The following CCDC15 variants were observed in gnomAD, a reference collection of about 807,000 sequenced individuals.
CCDC15 encodes coiled-coil domain containing 15, also known as coiled-coil domain-containing protein 15.
In CCDC15, 105 loss-of-function variants were observed where a neutral mutation model predicts 114.5. The observed-to-expected ratio is 0.92, with a 90% confidence interval of 0.78 to 1.08. The LOEUF is 1.08. Among genes scored for constraint, CCDC15 ranks in the 50% least tolerant of loss-of-function variants. CCDC15 has a pLI of 0.00. For missense variants in CCDC15, 1,105 were observed against 1,093.6 expected (o/e 1.01, Z -0.15); for synonymous variants, 334 against 377.8 (o/e 0.88, Z 1.34).
chr11:125,005,522 A>G (rs1948545338), intron 13 of CCDC15, among the ~76,000 whole-genome samples: 1 of 152,158 alleles, frequency 6.6e-6, no homozygotes, highest in South Asian at 2.1e-4. Context: ...CCATAGTGGT[A>G]CAATGTATTA....
intron 4 of CCDC15, among the ~76,000 whole-genome samples, chr11:124,973,804 T>G (rs1456130571): frequency 6.6e-6 from 1 of 151,884 alleles, no homozygotes; most frequent in Non-Finnish European, 1.5e-5. Flanking sequence ...TTTTTTTGTA[T>G]TTTCTGTAGA....
intron 13 of CCDC15, among the ~76,000 whole-genome samples, chr11:125,014,680 A>G (rs1948616539): frequency 6.6e-6 from 1 of 152,286 alleles, no homozygotes; most frequent in East Asian, 1.9e-4. Flanking sequence ...AACAAACTTA[A>G]CAGTACCAGA....
intron 13 of CCDC15, among the ~76,000 whole-genome samples, chr11:125,023,846 C>T (rs117381243): frequency 0.016 from 2,405 of 152,062 alleles, 23 homozygotes; most frequent in Middle Eastern, 0.051. Flanking sequence ...GACTTTGAAA[C>T]TCTTCTGCCA....
At chr11:124,995,268 C>G (rs7479934) in intron 11 of CCDC15, among the ~76,000 whole-genome samples, 9,615 of 152,192 alleles carry the variant, frequency 0.063, 370 homozygotes, top group African/African-American at 0.11. Context: ...ATCCTTACCA[C>G]CTTATCAAAA....
chr11:125,038,329 C>A, intron 13 of CCDC15, 102 bp from the exon 14 acceptor site: 2 of 755,554 alleles, frequency 2.6e-6, no homozygotes, highest in Non-Finnish European at 3.9e-6. Context: ...GATTTCCTGA[C>A]TCCTTAGTTT....
intron 6 of CCDC15, 51 bp from the exon 7 acceptor site, chr11:124,986,677 GTGTGTGTGTGTGTT>G (rs1948161275): frequency 3.6e-6 from 5 of 1,373,546 alleles, no homozygotes; most frequent in Middle Eastern, 1.9e-4. Flanking sequence ...CTGTGTGTGT[GTGTGTGTGTGTGTT>G]TGTGTGTGTG....
At chr11:124,979,433 T>A (rs1021762136) in intron 6 of CCDC15, among the ~76,000 whole-genome samples, 3 of 152,336 alleles carry the variant, frequency 2.0e-5, no homozygotes, top group African/African-American at 7.2e-5. Flanking sequence ...GTTTTTCCAT[T>A]TGTTTGTGTC....
chr11:124,988,131 T>C lies in CCDC15; in HGVS notation c.1905T>C (p.Tyr635=). The C allele has an allele frequency of 6.2e-7, 1 of 1,608,908 alleles. No homozygotes were observed. The highest frequency in any genetic ancestry group is 1.3e-5 in the African/African-American group (1 of 74,662). Residue 635 remains tyrosine, a synonymous_variant, in exon 8 of 16, where the codon TAT becomes TAC. Transcript: ENST00000344762. ...KCQDQDFLPK[Y]QKVHFKEPYS... is the part of the protein sequence containing the mutation. ...AGGACCAAGATTTTCTACCAAAATA[T>C]CAGGTAAAATAGAGCAGAAAGGAGA... is the stretch of plus-strand genomic sequence containing the variant.
At chr11:125,020,135 G>GA (rs986797963) in intron 13 of CCDC15, among the ~76,000 whole-genome samples, 3 of 151,848 alleles carry the variant, frequency 2.0e-5, no homozygotes, top group East Asian at 1.9e-4. Flanking sequence ...GGAACAGCAG[G>GA]AAAAAAGTTA....
chr11:125,038,733 T>C, intron 14 of CCDC15, 129 bp downstream of exon 14: 6 of 1,180,772 alleles, frequency 5.1e-6, no homozygotes, highest in Non-Finnish European at 5.8e-6. Context: ...AGTTCATAAC[T>C]TCACCAAATT....
intron 6 of CCDC15, among the ~76,000 whole-genome samples, chr11:124,981,768 C>G (rs1001205976): frequency 1.3e-5 from 2 of 152,146 alleles, no homozygotes; most frequent in Non-Finnish European, 2.9e-5. Context: ...TACAGATGCA[C>G]AACATCATGT....
At chr11:125,013,519 G>T (rs1948609610) in intron 13 of CCDC15, among the ~76,000 whole-genome samples, 1 of 152,156 alleles carries the variant, frequency 6.6e-6, no homozygotes. Flanking sequence ...GACGATGAGG[G>T]CACTGGGAAC....
chr11:124,987,420 T>G lies in CCDC15; in HGVS notation c.1194T>G (p.Ile398Met). The change falls in exon 8 of 16, where the codon ATT (isoleucine) becomes ATG (methionine). Residue 398 changes from isoleucine to methionine, a missense_variant. Ile to Met is a conservative substitution (Grantham distance 10). Transcript: ENST00000344762. ...GTATTATGCTGAAAGCCCAGAGTAT[T>G]GAGCTAGAAGAAGGGAGTATTGTGT... ...TQGIMLKAQS[I>M]ELEEGSIVLK... The G allele has an allele frequency of 6.2e-7, 1 of 1,613,980 alleles. No individual in the cohort carries two copies. Among genetic ancestry groups the G allele is most frequent in the Non-Finnish European group, 8.5e-7 (1 of 1,179,892 alleles).
rs1018659717 is a variant in CCDC15 at position 124,980,059 on chromosome 11, T to A, written c.753+2459T>A. 6.6e-5 allele frequency among the ~76,000 whole-genome samples: 10 copies of A among 152,202 alleles called. 1 individual carries two copies. The highest frequency in any genetic ancestry group is 2.4e-4 in the African/African-American group (10 of 41,454). On this transcript the variant is annotated intron_variant, in intron 6 of 15. Transcript: ENST00000344762. ...ATGTGGTTTTTGTTTTTAGTTCTGT[T>A]TATGTGGTGAATCACAATTAATGAT...
intron 13 of CCDC15, among the ~76,000 whole-genome samples, chr11:125,035,300 A>G (rs927691840): frequency 9.9e-5 from 15 of 152,008 alleles, no homozygotes; most frequent in African/African-American, 3.4e-4. Context: ...CTTCAATTCA[A>G]TCAAGTTGAC....
At chr11:124,960,690 A>G (rs1947644175) in intron 4 of CCDC15, among the ~76,000 whole-genome samples, 1 of 152,184 alleles carries the variant, frequency 6.6e-6, no homozygotes, top group South Asian at 2.1e-4. Context: ...TTAATGACTC[A>G]TTTTATATAC....
chr11:125,038,932 C>T lies in CCDC15; in HGVS notation c.2597C>T (p.Ala866Val). 1 of 1,613,108 alleles carries T rather than the reference C, an allele frequency of 6.2e-7. No homozygotes were observed. Among genetic ancestry groups the T allele is most frequent in the Non-Finnish European group, 8.5e-7 (1 of 1,179,360 alleles). ...CTTTATTTGTACAGATATGTAGAAG[C>T]TTTACGAGCCCAAATCCAGGAGAAA... ...REKEYLRYVE[A>V]LRAQIQEKMQ... Residue 866 changes from alanine to valine, a missense_variant, in exon 15 of 16, where the codon GCT becomes GTT. By Grantham distance (64) the Ala-to-Val change is moderately conservative. Transcript: ENST00000344762.
intron 13 of CCDC15, among the ~76,000 whole-genome samples, chr11:125,023,584 A>G (rs767184024): frequency 1.3e-5 from 2 of 152,082 alleles, no homozygotes; most frequent in Non-Finnish European, 2.9e-5. Flanking sequence ...AATCAAAACC[A>G]TGAAATACCA....
intron 15 of CCDC15, 115 bp downstream of exon 15, chr11:125,039,184 T>C (rs1948798611): frequency 3.2e-6 from 3 of 933,354 alleles, no homozygotes; most frequent in East Asian, 5.3e-5. Context: ...GAGACTGTTA[T>C]AAACCCTTTA....
Sources: allele counts gnomAD v4.1 joint callset (sites outside exome capture counted in the v4.1 genomes callset), GRCh38; gene constraint gnomAD v4.1.1; transcripts MANE v1.5; gene names NCBI Gene and HGNC (gene_info 2026-07-23, HGNC 2026-07-21).